FHOD3: variants seen among roughly 807,000 people sequenced by gnomAD.
FHOD3 encodes the protein FH1/FH2 domain-containing protein 3.
Under a neutral mutation model 173.0 loss-of-function variants are expected in FHOD3, and 90 were observed. The observed-to-expected ratio is 0.52, with a 90% confidence interval of 0.44 to 0.62. FHOD3 has a LOEUF of 0.62. FHOD3 is among the 20% of genes least tolerant of loss of function. The pLI is 0.00. For missense variants in FHOD3, 1,945 were observed against 2,034.7 expected, an observed-to-expected ratio of 0.96 and a Z score of 0.85; for synonymous variants, 828 against 823.0, an observed-to-expected ratio of 1.01 and a Z score of -0.10.
At chr18:36,329,079 C>T (rs1010736224) in intron 1 of FHOD3, among the ~76,000 whole-genome samples, 1 of 152,054 alleles carries the variant, frequency 6.6e-6, no homozygotes, top group East Asian at 1.9e-4. Flanking sequence ...GGATTCTTGC[C>T]CCGAATCCCC....
chr18:36,631,239 A>G (rs899967183), intron 10 of FHOD3, among the ~76,000 whole-genome samples: 28 of 152,196 alleles, frequency 1.8e-4, no homozygotes, highest in Non-Finnish European at 4.4e-5. Context: ...CTCAGTCTCC[A>G]CAAATCCTCA....
intron 3 of FHOD3, among the ~76,000 whole-genome samples, chr18:36,373,245 C>T (rs2047278483): frequency 2.0e-5 from 3 of 152,120 alleles, no homozygotes; most frequent in African/African-American, 7.2e-5. Context: ...GCGGGAAGCC[C>T]AGTTTCCTCC....
intron 3 of FHOD3, among the ~76,000 whole-genome samples, chr18:36,452,217 GC>G (rs1230468219): frequency 2.6e-5 from 4 of 152,246 alleles, no homozygotes; most frequent in Admixed American, 1.3e-4. Flanking sequence ...CATCTCGGGA[GC>G]CTTTTCCGTA....
intron 2 of FHOD3, 95 bp downstream of exon 2, chr18:36,355,740 C>A: frequency 1.0e-6 from 1 of 953,374 alleles, no homozygotes; most frequent in Non-Finnish European, 1.6e-6. Context: ...ACTACCATGG[C>A]TTTGACCTTC....
chr18:36,519,973 T>TTTTA lies in FHOD3; in HGVS notation c.511+7430_511+7431insTTTA, dbSNP rs1555738659. On this transcript the variant is annotated intron_variant, in intron 5 of 28. Coordinates refer to ENST00000590592, the MANE Select transcript of FHOD3 (RefSeq NM_001281740.3). ...TTCTTTCATTTTTTTTTTTTTTTTT[T>TTTTA]AAAGAGATGTAGTTTTAGTCTATCA... 4.7e-3 allele frequency among the ~76,000 whole-genome samples: 708 copies of TTTTA among 150,240 alleles called. 10 individuals are homozygous for TTTTA. The highest frequency in any genetic ancestry group is 0.017 in the African/African-American group (680 of 40,598).
At chr18:36,730,516 G>T in intron 19 of FHOD3, 130 bp from the exon 20 acceptor site, 1 of 855,428 alleles carries the variant, frequency 1.2e-6, no homozygotes. Flanking sequence ...ACAGTAGCCA[G>T]TCCTTCTCTG....
chr18:36,362,277 G>A (rs1426001600), intron 2 of FHOD3, among the ~76,000 whole-genome samples: 1 of 152,176 alleles, frequency 6.6e-6, no homozygotes, highest in African/African-American at 2.4e-5. Context: ...GTGGATTGGG[G>A]CCTCACCCAG....
intron 3 of FHOD3, among the ~76,000 whole-genome samples, chr18:36,421,539 T>C (rs969364466): frequency 6.6e-6 from 1 of 152,224 alleles, no homozygotes; most frequent in Non-Finnish European, 1.5e-5. Flanking sequence ...AAAAAGACGA[T>C]AGTGATTGGC....
intron 5 of FHOD3, among the ~76,000 whole-genome samples, chr18:36,573,443 G>GA (rs58181229): frequency 0.64 from 89,542 of 140,870 alleles, 29,384 homozygotes; most frequent in Non-Finnish European, 0.73. Flanking sequence ...TATCTCTACA[G>GA]AAAAAAAAAA....
chr18:36,305,897 G>A (rs1392485932), intron 1 of FHOD3, among the ~76,000 whole-genome samples: 1 of 152,188 alleles, frequency 6.6e-6, no homozygotes, highest in Admixed American at 6.5e-5. Context: ...TTTTATTTAT[G>A]ATTTGAGGTC....
intron 7 of FHOD3, among the ~76,000 whole-genome samples, chr18:36,601,951 A>T (rs2031445486): frequency 6.6e-6 from 1 of 152,164 alleles, no homozygotes; most frequent in Admixed American, 6.5e-5. Context: ...TGCAGAGCCC[A>T]GGCAGCAGTC....
chr18:36,349,440 C>T (rs1174177182), intron 1 of FHOD3, among the ~76,000 whole-genome samples: 1 of 152,172 alleles, frequency 6.6e-6, no homozygotes, highest in Non-Finnish European at 1.5e-5. Flanking sequence ...CAATGAAGTG[C>T]CATAAGCACT....
chr18:36,696,924 T>G (rs1343830687), intron 17 of FHOD3, among the ~76,000 whole-genome samples: 1 of 152,226 alleles, frequency 6.6e-6, no homozygotes, highest in Non-Finnish European at 1.5e-5. Flanking sequence ...TTTTCACTGA[T>G]CCCTGGGGGT....
rs1031596196 is a variant in FHOD3 at position 36,391,328 on chromosome 18, C to T, written c.337+18584C>T. ...AGAGGCCATTTTTCTTAGGATTGGTCTGTTCCTGGACAGATGCCAGGATCC... is the reference window on the plus strand; with the variant it reads ...AGAGGCCATTTTTCTTAGGATTGGTTTGTTCCTGGACAGATGCCAGGATCC... On this transcript the variant is annotated intron_variant, in intron 3 of 28. Transcript: ENST00000590592. Among the ~76,000 whole-genome samples the T allele has an allele frequency of 2.6e-5, 4 of 152,138 alleles. 1 individual carries two copies. The South Asian group carries it at 6.2e-4, about 24-fold the overall frequency.
intron 5 of FHOD3, among the ~76,000 whole-genome samples, chr18:36,555,398 CA>C (rs1038338329): frequency 5.4e-5 from 8 of 147,774 alleles, no homozygotes; most frequent in Admixed American, 5.4e-4. Context: ...AAAAAAAAAA[CA>C]AAAAACATGC....
At chr18:36,721,107 G>A (rs2040764000) in intron 19 of FHOD3, among the ~76,000 whole-genome samples, 1 of 152,170 alleles carries the variant, frequency 6.6e-6, no homozygotes, top group South Asian at 2.1e-4. Flanking sequence ...CCTGAAGCAG[G>A]TAGTGACCTC....
At chr18:36,383,520 A>G (rs2047891946) in intron 3 of FHOD3, among the ~76,000 whole-genome samples, 1 of 152,240 alleles carries the variant, frequency 6.6e-6, no homozygotes, top group Non-Finnish European at 1.5e-5. Context: ...CACAGAGCTA[A>G]ACAGCAGAGC....
At chr18:36,396,164 A>G (rs1219402606) in intron 3 of FHOD3, among the ~76,000 whole-genome samples, 2 of 152,130 alleles carry the variant, frequency 1.3e-5, no homozygotes, top group Non-Finnish European at 1.5e-5. Flanking sequence ...ATTTTTGCCT[A>G]AAAGATTTAT....
intron 10 of FHOD3, among the ~76,000 whole-genome samples, chr18:36,635,865 T>C (rs576142268): frequency 2.6e-5 from 4 of 152,310 alleles, no homozygotes; most frequent in African/African-American, 9.6e-5. Flanking sequence ...TACAGAACTT[T>C]CATCTCATGA....
Sources: gnomAD v4.1 joint callset for allele counts (sites outside exome capture counted in the v4.1 genomes callset) on GRCh38, gnomAD v4.1.1 for gene constraint, MANE v1.5 for transcripts, NCBI Gene and HGNC (gene_info 2026-07-23, HGNC 2026-07-21) for gene names.